Variants in RGPD4 observed in about 807,000 individuals in gnomAD.
RGPD4 encodes the protein ranBP2-like and GRIP domain-containing protein 4.
A neutral mutation model predicts 141.1 loss-of-function variants in RGPD4; 84 were observed. The observed-to-expected ratio is 0.60, with a 90% confidence interval of 0.50 to 0.71. The LOEUF (loss-of-function observed/expected upper bound fraction) is 0.71. RGPD4 is among the 30% of genes least tolerant of loss of function. The pLI is 0.00. For missense variants in RGPD4, 918 were observed against 1,622.4 expected (o/e 0.57, Z 7.46); for synonymous variants, 298 against 566.8 (o/e 0.53, Z 6.74).
intron 14 of RGPD4, 49 bp downstream of exon 14, chr2:107,861,380 A>G: frequency 6.9e-6 from 2 of 289,738 alleles, no homozygotes; most frequent in South Asian, 6.3e-5. Flanking sequence ...TTTATTTATT[A>G]TTTCTTTTAA....
rs184233564 is a variant in RGPD4 at position 107,836,568 on chromosome 2, T to C, written c.73-34T>C. ...GAAAAAATGTTGGAAAATATTTCTG[T>C]ATGAAATGTAAAACAACTTTTAATT... On this transcript the variant is annotated intron_variant, in intron 1 of 22. Coordinates refer to ENST00000408999, the MANE Select transcript of RGPD4 (RefSeq NM_182588.3). 1,822 of 1,517,232 alleles carry C rather than the reference T, an allele frequency of 1.2e-3. 16 individuals carry two copies. The African/African-American group carries it at 0.021, about 17-fold the overall frequency. 94.0% of individuals were successfully genotyped at this position (1,517,232 alleles called of 1,614,324 possible). A position where few individuals can be genotyped will look rare whatever the true frequency, so the allele number is the denominator to read the frequency against.
intron 20 of RGPD4, among the ~76,000 whole-genome samples, chr2:107,876,015 AAC>A (rs1235913525): frequency 6.7e-6 from 1 of 148,844 alleles, no homozygotes; most frequent in Non-Finnish European, 1.5e-5. Flanking sequence ...CTATTAAGTA[AAC>A]ACAAGATTTT....
rs755805834 is a variant in RGPD4, at chr2:107,872,816, G to C, written c.4812G>C (p.Leu1604=). 12 of 1,609,284 alleles carry C rather than the reference G, an allele frequency of 7.5e-6. 1 individual carries two copies. In the African/African-American group the frequency reaches 1.6e-4, roughly 22 times the overall value. The part of the protein sequence containing the change: ...ESKVEPKKCE[L]SKNSDIEQSS... ...AAGTGGAACCTAAAAAATGTGAACTGTCAAAGAACTCTGATATCGAACAGT... is the reference window on the plus strand; with the variant it reads ...AAGTGGAACCTAAAAAATGTGAACTCTCAAAGAACTCTGATATCGAACAGT... The change falls in exon 20 of 23, where the codon CTG becomes CTC. Residue 1604 remains leucine, a synonymous_variant. Transcript: ENST00000408999.
chr2:107,828,065 GGC>G (rs1375327970), intron 1 of RGPD4, among the ~76,000 whole-genome samples: 15 of 50,404 alleles, frequency 3.0e-4, no homozygotes, highest in Non-Finnish European at 4.4e-4. Context: ...GCTGCTCCCT[GGC>G]GCGCTCTGTT....
At position 107,890,854 on chromosome 2, in the gene RGPD4, A is replaced by G. The variant is rs940405611; in HGVS notation, c.*123A>G. The G allele has an allele frequency of 1.6e-5, 19 of 1,177,738 alleles. 1 individual carries two copies. The East Asian group carries it at 4.0e-4, about 25-fold the overall frequency. 73.0% of individuals were successfully genotyped at this position (1,177,738 alleles called of 1,614,324 possible). A position where few individuals can be genotyped will look rare whatever the true frequency, so the allele number is the denominator to read the frequency against. The stretch of plus-strand genomic sequence containing the variant: ...CTATTTACAAAAATGGTTCATGTGT[A>G]TTACCATCATTCTTTTGTCAAAAAG... On this transcript the variant is annotated 3_prime_UTR_variant, in exon 23 of 23. Coordinates refer to ENST00000408999, the MANE Select transcript of RGPD4 (RefSeq NM_182588.3).
intron 1 of RGPD4, among the ~76,000 whole-genome samples, chr2:107,827,596 T>C (rs866803898): frequency 3.7e-3 from 150 of 40,262 alleles, no homozygotes; most frequent in East Asian, 0.01. Flanking sequence ...GGCCTCGACC[T>C]GGCCCGGCGG....
chr2:107,880,101 A>C lies in RGPD4; in HGVS notation c.5058A>C (p.Gln1686His). Residue 1686 changes from glutamine to histidine, a missense_variant, in exon 21 of 23, where the codon CAA becomes CAC. Gln to His is a conservative substitution (Grantham distance 24, BLOSUM62 0). Coordinates refer to ENST00000408999, the MANE Select transcript of RGPD4 (RefSeq NM_182588.3). Reference sequence around the variant, plus strand: ...CAACCAGTGCAGTCCTTATGGAGCAAATTAAGGTGAGATCAGAAAACCTGG... The same window carrying C: ...CAACCAGTGCAGTCCTTATGGAGCACATTAAGGTGAGATCAGAAAACCTGG... ...AEATSAVLME[Q>H]IKLLKSEIRR... 1 of 1,611,416 alleles carries C rather than the reference A, an allele frequency of 6.2e-7. No homozygotes were observed. Among genetic ancestry groups the C allele is most frequent in the Non-Finnish European group, 8.5e-7 (1 of 1,179,834 alleles).
At chr2:107,884,325 C>G (rs1675450286) in intron 22 of RGPD4, among the ~76,000 whole-genome samples, 14 of 152,218 alleles carry the variant, frequency 9.2e-5, no homozygotes, top group Admixed American at 9.2e-4. Flanking sequence ...TGGTCTCAAT[C>G]TCCTGACCTT....
Position 107,890,740 on chromosome 2 carries a change from C to T in RGPD4, c.*9C>T, listed in dbSNP as rs761581660. On this transcript the variant is annotated 3_prime_UTR_variant, in exon 23 of 23. Coordinates refer to ENST00000408999, the MANE Select transcript of RGPD4 (RefSeq NM_182588.3). ...CCAAAGGTGAGGAATAAAATGCTTCCCGTTCTTCTGGATGGGCATCCTATC... is the reference window on the plus strand; with the variant it reads ...CCAAAGGTGAGGAATAAAATGCTTCTCGTTCTTCTGGATGGGCATCCTATC... 5.6e-6 allele frequency: 9 copies of T among 1,602,102 alleles called. 1 individual carries two copies. In the Middle Eastern group the frequency reaches 1.4e-3, roughly 244 times the overall value.
intron 17 of RGPD4, among the ~76,000 whole-genome samples, chr2:107,865,825 C>G (rs1248054009): frequency 1.4e-5 from 2 of 145,610 alleles, no homozygotes; most frequent in Non-Finnish European, 3.0e-5. Context: ...AATCCCAGCA[C>G]TTTGGGAGGC....
Position 107,880,082 on chromosome 2 carries a change from G to A in RGPD4, c.5039G>A (p.Ser1680Asn), listed in dbSNP as rs149740184. The change falls in exon 21 of 23, where the codon AGT becomes AAT. Residue 1680 changes from serine to asparagine, a missense_variant. Ser to Asn is a conservative substitution (Grantham distance 46). Coordinates refer to ENST00000408999, the MANE Select transcript of RGPD4 (RefSeq NM_182588.3). ...CTGCTTCGGGAAGCAGAGGCAACCA[G>A]TGCAGTCCTTATGGAGCAAATTAAG... ...NGLLREAEAT[S>N]AVLMEQIKLL... is the part of the protein sequence containing the mutation. The A allele has an allele frequency of 4.4e-3, 7,078 of 1,610,998 alleles. 143 individuals are homozygous for A. The highest frequency in any genetic ancestry group is 0.022 in the African/African-American group (1,662 of 74,306).
rs1287864596 is a variant in RGPD4 at position 107,884,839 on chromosome 2, G to T, written c.5266+1966G>T. 1.3e-4 allele frequency among the ~76,000 whole-genome samples: 20 copies of T among 152,200 alleles called. No individual in the cohort carries two copies. The Middle Eastern group carries it at 0.01, about 78-fold the overall frequency. On this transcript the variant is annotated intron_variant, in intron 22 of 22. Coordinates refer to ENST00000408999, the MANE Select transcript of RGPD4 (RefSeq NM_182588.3). ...TCCCCAATTTCTGACCCAAGATTCT[G>T]CATTTTTAGCAATTTGTTGCTGATA...
chr2:107,846,262 G>T (rs1281655728), intron 6 of RGPD4, among the ~76,000 whole-genome samples: 4 of 150,474 alleles, frequency 2.7e-5, no homozygotes, highest in Non-Finnish European at 4.4e-5. Context: ...TGTCTACCTT[G>T]GCCTCCCAAA....
chr2:107,830,955 C>G (rs1412119903), intron 1 of RGPD4, among the ~76,000 whole-genome samples: 2 of 152,148 alleles, frequency 1.3e-5, no homozygotes, highest in South Asian at 2.1e-4. Flanking sequence ...CGTCTGTAAT[C>G]TGAGCACTTT....
rs372190772 is a variant in RGPD4 at position 107,845,816 on chromosome 2, G to A, written c.782+2086G>A. On this transcript the variant is annotated intron_variant, in intron 6 of 22. Transcript: ENST00000408999. ...CCTGACCTCGTGATCTGCCCTCCTC[G>A]GCCTCCCAAAGTGTTGGGATTACAG... 7.8e-3 allele frequency among the ~76,000 whole-genome samples: 1,182 copies of A among 151,476 alleles called. 2 individuals are homozygous for A. The highest frequency in any genetic ancestry group is 0.011 in the South Asian group (55 of 4,806).
At position 107,859,734 on chromosome 2, in the gene RGPD4, A is replaced by G. The variant is rs983441695; in HGVS notation, c.1647A>G (p.Ser549=). 1.2e-6 allele frequency: 2 copies of G among 1,611,326 alleles called. No homozygotes were observed. Among genetic ancestry groups the G allele is most frequent in the Admixed American group, 1.7e-5 (1 of 59,980 alleles). ...LIHRKAVPGN[S]AKLRLLVQHE... is the part of the protein sequence containing the mutation. ...AACTATTTTTTAGACCTGGAAACTCAGCAAAATTGAGACTTTTAGTTCAGC... is the reference window on the plus strand; with the variant it reads ...AACTATTTTTTAGACCTGGAAACTCGGCAAAATTGAGACTTTTAGTTCAGC... Residue 549 remains serine, a synonymous_variant, in exon 12 of 23, where the codon TCA becomes TCG. Transcript: ENST00000408999.
chr2:107,885,519 A>G (rs1406674060), intron 22 of RGPD4, among the ~76,000 whole-genome samples: 2 of 152,322 alleles, frequency 1.3e-5, no homozygotes, highest in East Asian at 1.9e-4. Context: ...AAGGGATACC[A>G]AGAACAGATA....
chr2:107,890,668 T>A, intron 22 of RGPD4, 53 bp from the exon 23 acceptor site: 1 of 1,507,238 alleles, frequency 6.6e-7, no homozygotes, highest in South Asian at 1.2e-5. Context: ...GATTTTACAT[T>A]GAGAAATTTT....
At chr2:107,845,692 T>C (rs1024534022) in intron 6 of RGPD4, among the ~76,000 whole-genome samples, 10 of 152,254 alleles carry the variant, frequency 6.6e-5, no homozygotes, top group African/African-American at 2.4e-4. Context: ...GCCTCCTGAG[T>C]AGCTGGGACT....
Sources: allele counts gnomAD v4.1 joint callset (sites outside exome capture counted in the v4.1 genomes callset), GRCh38; gene constraint gnomAD v4.1.1; transcripts MANE v1.5; gene names NCBI Gene and HGNC (gene_info 2026-07-23, HGNC 2026-07-21).